The following ZC3H3 variants were observed in gnomAD, a reference collection of about 807,000 sequenced individuals.
ZC3H3 encodes the protein zinc finger CCCH-type containing 3.
Under a neutral mutation model 77.3 loss-of-function variants are expected in ZC3H3, and 36 were observed. The observed-to-expected ratio is 0.47, with a 90% CI of 0.36 to 0.61. ZC3H3 has a LOEUF of 0.61. Ranked by LOEUF, ZC3H3 falls within the 20% of genes least tolerant of loss-of-function variation. The pLI is 0.00. For synonymous variants in ZC3H3, 626 were observed against 555.2 expected, an observed-to-expected ratio of 1.13 and a Z score of -1.79; for missense variants, 1,331 against 1,312.2, an observed-to-expected ratio of 1.01 and a Z score of -0.22.
chr8:143,484,397 A>G (rs1820993380), intron 4 of ZC3H3: 1 of 152,554 alleles, frequency 6.6e-6, no homozygotes, highest in Admixed American at 6.5e-5. Context: ...TATTTTATGT[A>G]TTTTATGTGC....
At chr8:143,458,551 C>T (rs1820179980) in intron 9 of ZC3H3, among the ~76,000 whole-genome samples, 1 of 66,816 alleles carries the variant, frequency 1.5e-5, no homozygotes, top group Admixed American at 1.4e-4. Context: ...ACGCCTGTAA[C>T]CCCAGCATTT....
chr8:143,489,430 G>A (rs10104402), intron 4 of ZC3H3, among the ~76,000 whole-genome samples: 23,403 of 152,104 alleles, frequency 0.15, 2,111 homozygotes, highest in Middle Eastern at 0.27. Context: ...GGGGGGATGC[G>A]CCCTCCCACC....
chr8:143,441,035 C>G lies in ZC3H3; in HGVS notation c.2393G>C (p.Arg798Pro). Reference protein sequence around the residue: ...PRGAQCQLLHRTQKRHSRRAA... With the variant: ...PRGAQCQLLHPTQKRHSRRAA... ...CCGCCGACTGTGGCGTTTCTGGGTA[C>G]GGTGGAGCAGCTGGCACTGGGCGCC... Residue 798 changes from arginine (R) to proline (P), a missense_variant, in exon 10 of 12, where the codon CGT (arginine) becomes CCT (proline). Physicochemically the swap from Arg to Pro is moderately radical, Grantham distance 103 (BLOSUM62 -2). This residue lies in a region of ZC3H3 where 249 missense variants were observed against 236.9 expected (regional missense o/e 1.05). Transcript: ENST00000262577. 2 of 1,486,486 alleles carry G rather than the reference C, an allele frequency of 1.3e-6. No individual in the cohort carries two copies. Among genetic ancestry groups the G allele is most frequent in the Non-Finnish European group, 1.8e-6 (2 of 1,127,994 alleles). 92.1% of individuals were successfully genotyped at this position (1,486,486 alleles called of 1,614,324 possible).
intron 3 of ZC3H3, among the ~76,000 whole-genome samples, chr8:143,532,603 G>A (rs563663719): frequency 2.0e-5 from 3 of 152,382 alleles, no homozygotes; most frequent in Non-Finnish European, 2.9e-5. Flanking sequence ...TTGGCCACCC[G>A]GGAGGGCTGA....
rs566016272 is a variant in ZC3H3 at position 143,494,836 on chromosome 8, G to A, written c.1715+12910C>T. ...GAATACCGGCCACCAACGGGCAAACGGCCTGAGCAGACCTTTCACACGGGA... is the reference window on the plus strand; with the variant it reads ...GAATACCGGCCACCAACGGGCAAACAGCCTGAGCAGACCTTTCACACGGGA... On this transcript the variant is annotated intron_variant, in intron 4 of 11. Coordinates refer to ENST00000262577, the MANE Select transcript of ZC3H3 (RefSeq NM_015117.3). This position sits in a 1 kb window ranked among gnomAD's most constrained non-coding sequence, Gnocchi z 5.3. Among the ~76,000 whole-genome samples, 59 of 152,332 alleles carry A rather than the reference G, an allele frequency of 3.9e-4. No homozygotes were observed. Among genetic ancestry groups the A allele is most frequent in the African/African-American group, 1.2e-3 (48 of 41,584 alleles).
At chr8:143,486,352 A>G (rs1474238415) in intron 4 of ZC3H3, among the ~76,000 whole-genome samples, 1 of 152,240 alleles carries the variant, frequency 6.6e-6, no homozygotes, top group African/African-American at 2.4e-5. Context: ...CTGGGGCCGC[A>G]CCGAGGCTCT....
chr8:143,442,794 TGA>T (rs1819780535), intron 9 of ZC3H3, among the ~76,000 whole-genome samples: 1 of 152,258 alleles, frequency 6.6e-6, no homozygotes, highest in African/African-American at 2.4e-5. Flanking sequence ...GATGACATGT[TGA>T]AATTTTTGAT....
At chr8:143,508,162 G>C (rs1013357166) in intron 3 of ZC3H3, among the ~76,000 whole-genome samples, 2 of 152,248 alleles carry the variant, frequency 1.3e-5, no homozygotes, top group Non-Finnish European at 2.9e-5. Flanking sequence ...GGAGAAACAA[G>C]GGAATGCCCA....
At chr8:143,465,690 C>T in intron 9 of ZC3H3, 27 bp downstream of exon 9, 1 of 1,611,822 alleles carries the variant, frequency 6.2e-7, no homozygotes, top group Non-Finnish European at 8.5e-7. Context: ...GGAACCCCGC[C>T]CACTCGGGCC....
At chr8:143,439,295 C>T (rs992600840) in intron 11 of ZC3H3, among the ~76,000 whole-genome samples, 17 of 152,150 alleles carry the variant, frequency 1.1e-4, no homozygotes, top group African/African-American at 4.1e-4. Flanking sequence ...TTTGAGTGTG[C>T]TCAGCGGAGC....
intron 5 of ZC3H3, among the ~76,000 whole-genome samples, chr8:143,474,207 A>C (rs1207630108): frequency 6.6e-6 from 1 of 152,108 alleles, no homozygotes; most frequent in Admixed American, 6.5e-5. Flanking sequence ...CAGGGGTGAC[A>C]CAGTGCCCAG....
At chr8:143,526,726 C>A (rs2130482964) in intron 3 of ZC3H3, among the ~76,000 whole-genome samples, 1 of 152,260 alleles carries the variant, frequency 6.6e-6, no homozygotes. Context: ...GGCCCAGCAA[C>A]ATCCTGACCC....
chr8:143,438,052 G>A lies in ZC3H3; in HGVS notation c.*4C>T, dbSNP rs1381131044. The stretch of plus-strand genomic sequence containing the variant: ...AGGTAGGTGCAGGCCGGTCCCTGGG[G>A]TCCTCACAGACGTGGTTTGATGTGC... On this transcript the variant is annotated 3_prime_UTR_variant, in exon 12 of 12. Transcript: ENST00000262577. 1 of 1,610,824 alleles carries A rather than the reference G, an allele frequency of 6.2e-7. No homozygotes were observed. The highest frequency in any genetic ancestry group is 1.3e-5 in the African/African-American group (1 of 74,872).
chr8:143,477,580 C>T (rs1055473961), intron 4 of ZC3H3, among the ~76,000 whole-genome samples: 7 of 152,206 alleles, frequency 4.6e-5, no homozygotes, highest in Non-Finnish European at 1.0e-4. Flanking sequence ...CTTATCCTGG[C>T]ACCAGGCCTG....
At chr8:143,539,378 T>G in intron 1 of ZC3H3, 58 bp from the exon 2 acceptor site, 3 of 1,476,868 alleles carry the variant, frequency 2.0e-6, no homozygotes, top group South Asian at 1.3e-5. Context: ...TAATCATGAC[T>G]ACCCTGGAAG....
chr8:143,483,344 C>G (rs1820960156), intron 4 of ZC3H3, among the ~76,000 whole-genome samples: 2 of 152,224 alleles, frequency 1.3e-5, no homozygotes, highest in African/African-American at 4.8e-5. Context: ...CCCGGTTTCT[C>G]CTGGTGCTGA....
intron 3 of ZC3H3, among the ~76,000 whole-genome samples, chr8:143,513,659 C>T (rs534828221): frequency 3.3e-5 from 5 of 152,234 alleles, no homozygotes; most frequent in African/African-American, 7.2e-5. Context: ...GGGTACAGCG[C>T]CTGCTACTGC....
At position 143,491,011 on chromosome 8, in the gene ZC3H3, G is replaced by A. The variant is rs190251503; in HGVS notation, c.1716-15426C>T. Among the ~76,000 whole-genome samples the A allele has an allele frequency of 7.9e-4, 121 of 152,338 alleles. 1 individual carries two copies. Among genetic ancestry groups the A allele is most frequent in the African/African-American group, 2.5e-3 (105 of 41,570 alleles). ...AAAACGGCGGCACCCAGGTAGCGCC[G>A]GGTGACAAGGACATTTTATTTCTTC... On this transcript the variant is annotated intron_variant, in intron 4 of 11. Coordinates refer to ENST00000262577, the MANE Select transcript of ZC3H3 (RefSeq NM_015117.3).
chr8:143,538,149 C>T lies in ZC3H3; in HGVS notation c.1218G>A (p.Gln406=). ...GGGACCTAGACAGGACTGGGGAGAGCTGGGAGGCATGGTCCTTGCTGCTGG... is the reference window on the plus strand; with the variant it reads ...GGGACCTAGACAGGACTGGGGAGAGTTGGGAGGCATGGTCCTTGCTGCTGG... ...SEASSKDHAS[Q]LSPVLSRSPS... is the part of the protein sequence containing the mutation. Residue 406 remains glutamine (Q), a synonymous_variant, in exon 2 of 12, where the codon CAG becomes CAA. Coordinates refer to ENST00000262577, the MANE Select transcript of ZC3H3 (RefSeq NM_015117.3). 1.2e-6 allele frequency: 2 copies of T among 1,613,062 alleles called. No homozygotes were observed. The highest frequency in any genetic ancestry group is 3.3e-5 in the Admixed American group (2 of 60,028).
Sources: allele counts gnomAD v4.1 joint callset (sites outside exome capture counted in the v4.1 genomes callset), GRCh38; gene constraint gnomAD v4.1.1; regional missense constraint gnomAD v4.1.1; non-coding constraint Gnocchi (gnomAD v3.1); transcripts MANE v1.5; gene names NCBI Gene and HGNC (gene_info 2026-07-23, HGNC 2026-07-21).